The following C5 variants were observed in gnomAD, a reference collection of about 807,000 sequenced individuals.
C5 encodes the protein complement C5.
In C5, 140 loss-of-function variants were observed where a neutral mutation model predicts 218.8. The ratio of observed to expected loss-of-function variants is 0.64; its 90% CI spans 0.56 to 0.74. The LOEUF (loss-of-function observed/expected upper bound fraction) is 0.74, where lower values mean the gene tolerates loss of function less well. C5 is among the 30% of genes least tolerant of loss of function. The pLI, the probability that C5 is intolerant of heterozygous loss-of-function variation, is 0.00. For missense variants in C5, 1,700 were observed against 1,969.6 expected (o/e 0.86, Z 2.59); for synonymous variants, 614 against 682.3 (o/e 0.90, Z 1.56).
At chr9:120,970,743 T>G (rs1308147076) in intron 31 of C5, among the ~76,000 whole-genome samples, 4 of 152,316 alleles carry the variant, frequency 2.6e-5, no homozygotes, top group Non-Finnish European at 4.4e-5. Context: ...CTCCCCCATA[T>G]AAACTTACAA....
chr9:120,973,534 T>C (rs953645256), intron 30 of C5, among the ~76,000 whole-genome samples: 2 of 152,196 alleles, frequency 1.3e-5, no homozygotes, highest in African/African-American at 4.8e-5. Flanking sequence ...GTGCTTTGCT[T>C]TCAGGTCTTT....
At chr9:121,025,396 T>G (rs2047410908) in intron 9 of C5, 58 bp downstream of exon 9, 1 of 1,439,194 alleles carries the variant, frequency 6.9e-7, no homozygotes, top group South Asian at 1.4e-5. Flanking sequence ...ATATTCTGTC[T>G]AAATATTTTT....
chr9:120,963,702 G>C lies in C5; in HGVS notation c.4257C>G (p.Ser1419=). 6.2e-7 allele frequency: 1 copy of C among 1,613,690 alleles called. No homozygotes were observed. The highest frequency in any genetic ancestry group is 8.5e-7 in the Non-Finnish European group (1 of 1,179,734). The change falls in exon 34 of 41, where the codon TCC becomes TCG. Residue 1419 remains serine, a synonymous_variant. Transcript: ENST00000223642. ...AGGAGATGTCCATCACCGCATGAGA[G>C]GATCCAGATGATGATTCTTCCCTGC... The part of the protein sequence containing the change: ...KPSREESSSG[S]SHAVMDISLP...
At position 121,043,121 on chromosome 9, in the gene C5, C is replaced by T; in HGVS notation, c.304G>A (p.Val102Met). 1 of 1,613,264 alleles carries T rather than the reference C, an allele frequency of 6.2e-7. No homozygotes were observed. The highest frequency in any genetic ancestry group is 1.3e-5 in the African/African-American group (1 of 75,006). ...TGCTTTGATACAACTTCCAAATACACATAAGAAACTGGGTTTTGTCCTCCA... is the reference window on the plus strand; with the variant it reads ...TGCTTTGATACAACTTCCAAATACATATAAGAAACTGGGTTTTGTCCTCCA... ...LPGGQNPVSYVYLEVVSKHFS... is the reference protein window; with the variant it reads ...LPGGQNPVSYMYLEVVSKHFS... The change falls in exon 3 of 41, where the codon GTG becomes ATG. Residue 102 changes from valine (V) to methionine (M), a missense_variant. By Grantham distance (21) the Val-to-Met change is conservative (BLOSUM62 1). Transcript: ENST00000223642.
chr9:121,012,617 G>C (rs945861032), intron 17 of C5, among the ~76,000 whole-genome samples: 20 of 152,100 alleles, frequency 1.3e-4, no homozygotes, highest in Non-Finnish European at 1.9e-4. Flanking sequence ...TAAATTTTGT[G>C]GCCATTTACC....
chr9:121,039,152 G>T, intron 3 of C5, among the ~76,000 whole-genome samples: 1 of 152,162 alleles, frequency 6.6e-6, no homozygotes, highest in East Asian at 1.9e-4. Context: ...GTCCTTGTGA[G>T]AATTAAATAA....
In C5 at chr9:121,020,187, G is replaced by C; in HGVS notation, c.1303-8C>G. 1 of 1,608,308 alleles carries C rather than the reference G, an allele frequency of 6.2e-7. No individual in the cohort carries two copies. On this transcript the variant is annotated splice_region_variant and splice_polypyrimidine_tract_variant and intron_variant, in intron 11 of 40. Transcript: ENST00000223642. ...TGGAGCATCAGTTTTGACCTGAAAAGAGAAATTTCAAAAAGACATGTATAC... is the reference window on the plus strand; with the variant it reads ...TGGAGCATCAGTTTTGACCTGAAAACAGAAATTTCAAAAAGACATGTATAC...
intron 1 of C5, 52 bp downstream of exon 1, chr9:121,050,130 A>G (rs2047660466): frequency 7.2e-7 from 1 of 1,384,632 alleles, no homozygotes; most frequent in Non-Finnish European, 1.0e-6. Context: ...TTAACTCTTC[A>G]TTCGTCATAA....
At chr9:121,009,088 A>G (rs891905370) in intron 17 of C5, among the ~76,000 whole-genome samples, 2 of 152,222 alleles carry the variant, frequency 1.3e-5, no homozygotes, top group African/African-American at 4.8e-5. Flanking sequence ...ATCAGTCTAT[A>G]AAGTTATTTG....
intron 28 of C5, among the ~76,000 whole-genome samples, chr9:120,978,776 G>A (rs966799446): frequency 6.6e-6 from 1 of 152,076 alleles, no homozygotes; most frequent in Non-Finnish European, 1.5e-5. Flanking sequence ...TACTTTTATA[G>A]CAAACCTGGT....
chr9:121,002,216 G>GTA lies in C5; in HGVS notation c.2562+3701_2562+3702dup, dbSNP rs757615788. ...CATATACGTATATATGTATATATACGTATATATATATATGTATATATGTAT... is the reference window on the plus strand; with the variant it reads ...CATATACGTATATATGTATATATACGTATATATATATATATGTATATATGTAT... On this transcript the variant is annotated intron_variant, in intron 20 of 40. Transcript: ENST00000223642. 6.5e-4 allele frequency among the ~76,000 whole-genome samples: 73 copies of GTA among 112,824 alleles called. 1 individual carries two copies. The highest frequency in any genetic ancestry group is 1.3e-3 in the African/African-American group (31 of 23,124). 74.0% of individuals were successfully genotyped at this position (112,824 alleles called of 152,430 possible).
At chr9:120,966,726 T>C (rs1337336809) in intron 33 of C5, among the ~76,000 whole-genome samples, 1 of 151,950 alleles carries the variant, frequency 6.6e-6, no homozygotes, top group Non-Finnish European at 1.5e-5. Context: ...GGAAAGACAT[T>C]AGGGAATGAG....
chr9:121,001,937 T>C (rs2047164637), intron 20 of C5, among the ~76,000 whole-genome samples: 1 of 151,938 alleles, frequency 6.6e-6, no homozygotes, highest in Non-Finnish European at 1.5e-5. Flanking sequence ...AAATCAGTTA[T>C]AATAGTGAAA....
chr9:120,999,356 C>T (rs1292909696), intron 20 of C5, among the ~76,000 whole-genome samples: 1 of 152,124 alleles, frequency 6.6e-6, no homozygotes, highest in Non-Finnish European at 1.5e-5. Context: ...TATAGCTTTA[C>T]CCTGAGGGCA....
intron 25 of C5, among the ~76,000 whole-genome samples, chr9:120,986,069 A>G (rs976795157): frequency 6.6e-6 from 1 of 152,100 alleles, no homozygotes; most frequent in Non-Finnish European, 1.5e-5. Context: ...AGCCTAGGGC[A>G]TTTGGGATAG....
intron 20 of C5, among the ~76,000 whole-genome samples, chr9:121,005,236 A>G (rs145550209): frequency 1.3e-5 from 2 of 152,314 alleles, no homozygotes; most frequent in East Asian, 3.9e-4. Context: ...TGGTGGGTCC[A>G]ATCATGGTTG....
intron 20 of C5, chr9:120,999,622 AAC>A (rs201018636): frequency 6.8e-3 from 1,458 of 212,946 alleles, no homozygotes; most frequent in South Asian, 0.017. Flanking sequence ...ACTGCCTGCT[AAC>A]ACACACACAC....
chr9:120,963,037 A>G, intron 34 of C5, 70 bp from the exon 35 acceptor site: 1 of 1,125,956 alleles, frequency 8.9e-7, no homozygotes, highest in East Asian at 2.3e-5. Context: ...TCACCTGTTG[A>G]TGAGATAGCA....
At position 121,002,316 on chromosome 9, in the gene C5, G is replaced by GTGTGTGTGTGTATGTGTATATATA. The variant is rs572345213; in HGVS notation, c.2562+3602_2562+3603insTATATATACACATACACACACACA. Among the ~76,000 whole-genome samples the GTGTGTGTGTGTATGTGTATATATA allele has an allele frequency of 2.3e-5, 2 of 87,406 alleles. 1 individual carries two copies. The highest frequency in any genetic ancestry group is 4.4e-5 in the Non-Finnish European group (2 of 45,330). The allele number at this position is 87,406 out of a possible 152,430, so 57.3% of individuals were successfully genotyped here. A position where few individuals can be genotyped will look rare whatever the true frequency, so the allele number is the denominator to read the frequency against. On this transcript the variant is annotated intron_variant, in intron 20 of 40. Coordinates refer to ENST00000223642, the MANE Select transcript of C5 (RefSeq NM_001735.3). ...TATATATGTATATATATATGTGTGT[G>GTGTGTGTGTGTATGTGTATATATA]TATATATATATATATATATATATAT...
Sources: gnomAD v4.1 joint callset for allele counts (sites outside exome capture counted in the v4.1 genomes callset) on GRCh38, gnomAD v4.1.1 for gene constraint, MANE v1.5 for transcripts, NCBI Gene and HGNC (gene_info 2026-07-23, HGNC 2026-07-21) for gene names.